SMAP1: variants seen among roughly 807,000 people sequenced by gnomAD.
The protein encoded by SMAP1 is stromal membrane-associated protein 1.
Under a neutral mutation model 58.5 loss-of-function variants are expected in SMAP1, and 24 were observed. That is an observed-to-expected ratio of 0.41 (90% CI 0.30 to 0.58). The LOEUF (loss-of-function observed/expected upper bound fraction) is 0.58. Among genes scored for constraint, SMAP1 ranks in the 20% least tolerant of loss-of-function variants. The pLI is 0.29. For missense variants in SMAP1, 563 were observed against 566.3 expected (o/e 0.99, Z 0.06); for synonymous variants, 216 against 196.6 (o/e 1.10, Z -0.82).
At chr6:70,732,241 C>T (rs1765460099) in intron 1 of SMAP1, 137 bp from the exon 2 acceptor site, 1 of 833,918 alleles carries the variant, frequency 1.2e-6, no homozygotes, top group African/African-American at 1.7e-5. Context: ...CCGCCAGTAC[C>T]ATTTGAAAAT....
chr6:70,707,488 G>A (rs547677221), intron 1 of SMAP1, among the ~76,000 whole-genome samples: 5 of 152,016 alleles, frequency 3.3e-5, no homozygotes, highest in Non-Finnish European at 5.9e-5. Flanking sequence ...TTGCCTTTGC[G>A]AAAAGAAAAC....
chr6:70,744,689 G>A (rs974985074), intron 2 of SMAP1, among the ~76,000 whole-genome samples: 4 of 152,236 alleles, frequency 2.6e-5, no homozygotes, highest in Admixed American at 2.0e-4. Flanking sequence ...TATATACCCA[G>A]TAATGGGATG....
At chr6:70,737,356 C>T (rs1010618298) in intron 2 of SMAP1, among the ~76,000 whole-genome samples, 6 of 151,956 alleles carry the variant, frequency 3.9e-5, no homozygotes, top group South Asian at 4.1e-4. Context: ...CATGTTGGCC[C>T]GGCTGGTCTC....
intron 8 of SMAP1, among the ~76,000 whole-genome samples, chr6:70,855,159 T>A (rs1384150299): frequency 6.6e-6 from 1 of 151,226 alleles, no homozygotes; most frequent in African/African-American, 2.4e-5. Context: ...TTTTTCTTGG[T>A]TAAGCCCTTG....
intron 6 of SMAP1, among the ~76,000 whole-genome samples, chr6:70,828,017 A>C (rs906536119): frequency 5.3e-5 from 8 of 152,236 alleles, no homozygotes; most frequent in African/African-American, 1.9e-4. Context: ...GATATTGGGA[A>C]TAAACAAGAA....
intron 1 of SMAP1, among the ~76,000 whole-genome samples, chr6:70,696,736 T>G (rs1472045039): frequency 1.3e-5 from 2 of 152,176 alleles, no homozygotes; most frequent in African/African-American, 4.8e-5. Context: ...GATGAAATGT[T>G]TTGCAGATAT....
intron 1 of SMAP1, among the ~76,000 whole-genome samples, chr6:70,683,537 TG>T (rs1452399463): frequency 6.6e-6 from 1 of 152,088 alleles, no homozygotes; most frequent in Non-Finnish European, 1.5e-5. Flanking sequence ...TTTGGGAGGG[TG>T]GGATTGGCAA....
intron 7 of SMAP1, among the ~76,000 whole-genome samples, chr6:70,850,337 AT>A (rs934063527): frequency 2.0e-5 from 3 of 151,430 alleles, no homozygotes; most frequent in Non-Finnish European, 2.9e-5. Context: ...CTCATGTTAA[AT>A]TTTTTTTTCC....
intron 2 of SMAP1, among the ~76,000 whole-genome samples, chr6:70,744,502 T>G (rs530943897): frequency 2.0e-5 from 3 of 152,324 alleles, no homozygotes; most frequent in Non-Finnish European, 2.9e-5. Flanking sequence ...GGACATGAAC[T>G]CATCCATTTT....
chr6:70,796,484 A>G (rs936407652), intron 5 of SMAP1, among the ~76,000 whole-genome samples: 1 of 152,244 alleles, frequency 6.6e-6, no homozygotes, highest in African/African-American at 2.4e-5. Flanking sequence ...AAATTAGACA[A>G]TAAGGTGCTT....
At chr6:70,727,254 A>G (rs947190433) in intron 1 of SMAP1, among the ~76,000 whole-genome samples, 16 of 152,044 alleles carry the variant, frequency 1.1e-4, no homozygotes, top group Non-Finnish European at 2.2e-4. Context: ...GACTACAGGC[A>G]CGTACCAACA....
chr6:70,860,088 G>A (rs1771643559), intron 10 of SMAP1, 112 bp from the exon 11 acceptor site: 3 of 1,216,604 alleles, frequency 2.5e-6, no homozygotes, highest in Non-Finnish European at 3.4e-6. Flanking sequence ...TTTTATTCCA[G>A]TGCTTGGACT....
At chr6:70,833,312 A>G (rs1421855165) in intron 6 of SMAP1, among the ~76,000 whole-genome samples, 1 of 152,236 alleles carries the variant, frequency 6.6e-6, no homozygotes, top group African/African-American at 2.4e-5. Flanking sequence ...ATGAAGAAGT[A>G]TATACTGTAT....
At chr6:70,823,178 G>A (rs73500498) in intron 6 of SMAP1, among the ~76,000 whole-genome samples, 184 of 152,186 alleles carry the variant, frequency 1.2e-3, no homozygotes, top group African/African-American at 4.4e-3. Flanking sequence ...TTACCTTTTA[G>A]TATGTTTGTA....
intron 1 of SMAP1, chr6:70,694,554 A>C (rs1204423647): frequency 1.3e-5 from 2 of 152,756 alleles, no homozygotes; most frequent in Admixed American, 6.5e-5. Flanking sequence ...ATATGAAGCG[A>C]CACAATGAAG....
At chr6:70,706,186 G>C (rs1442149801) in intron 1 of SMAP1, among the ~76,000 whole-genome samples, 1 of 152,124 alleles carries the variant, frequency 6.6e-6, no homozygotes, top group Non-Finnish European at 1.5e-5. Context: ...CAACGAAGTT[G>C]GTGGATCCTA....
chr6:70,804,606 A>G lies in SMAP1; in HGVS notation c.576+5869A>G, dbSNP rs375257885. ...CTTCATAGCATCGATGGTCTTTCCA[A>G]TTTGGCCTGTTTTTGCATTGGCTGG... On this transcript the variant is annotated intron_variant, in intron 6 of 10. Coordinates refer to ENST00000370455, the MANE Select transcript of SMAP1 (RefSeq NM_001044305.3). Among the ~76,000 whole-genome samples the G allele has an allele frequency of 6.4e-4, 97 of 152,068 alleles. No individual in the cohort carries two copies. The East Asian group carries it at 0.011, about 18-fold the overall frequency.
chr6:70,753,765 G>C (rs904683835), intron 2 of SMAP1, among the ~76,000 whole-genome samples: 6 of 151,882 alleles, frequency 4.0e-5, no homozygotes, highest in Non-Finnish European at 4.4e-5. Context: ...GAGCTTAATG[G>C]TAAAGCCCGC....
At chr6:70,729,312 G>A (rs796651100) in intron 1 of SMAP1, among the ~76,000 whole-genome samples, 3 of 151,862 alleles carry the variant, frequency 2.0e-5, no homozygotes, top group South Asian at 2.1e-4. Context: ...AGTGGCGGGC[G>A]CCTGTAGTCC....
Sources: allele counts gnomAD v4.1 joint callset (sites outside exome capture counted in the v4.1 genomes callset), GRCh38; gene constraint gnomAD v4.1.1; transcripts MANE v1.5; gene names NCBI Gene and HGNC (gene_info 2026-07-23, HGNC 2026-07-21).